The following MFHAS1 variants were observed in gnomAD, a reference collection of about 807,000 sequenced individuals.
MFHAS1 encodes multifunctional ROCO family signaling regulator 1, also known as malignant fibrous histiocytoma-amplified sequence 1.
MFHAS1 carries 50 observed loss-of-function variants against 70.4 expected under a neutral mutation model. That is an observed-to-expected ratio of 0.71 (90% CI 0.57 to 0.90). MFHAS1 has a LOEUF of 0.90. MFHAS1 is among the 40% of genes least tolerant of loss of function. The probability of loss-of-function intolerance (pLI) is 0.00; values close to 1 mark genes in which losing one functional copy is unlikely to be tolerated. For missense variants in MFHAS1, 1,795 were observed against 1,347.6 expected (o/e 1.33, Z -5.20); for synonymous variants, 952 against 620.0 (o/e 1.54, Z -7.96).
At chr8:8,822,312 G>A (rs1266421776) in intron 1 of MFHAS1, among the ~76,000 whole-genome samples, 1 of 152,238 alleles carries the variant, frequency 6.6e-6, no homozygotes, top group Admixed American at 6.5e-5. Flanking sequence ...TCTGAGGGGA[G>A]AGGAAAATGG....
intron 1 of MFHAS1, among the ~76,000 whole-genome samples, chr8:8,845,526 T>C (rs966728149): frequency 1.3e-5 from 2 of 152,212 alleles, no homozygotes; most frequent in African/African-American, 2.4e-5. Context: ...TATAATTTCA[T>C]TAAATGGCCT....
intron 1 of MFHAS1, among the ~76,000 whole-genome samples, chr8:8,805,775 A>G (rs1806267208): frequency 6.6e-6 from 1 of 151,744 alleles, no homozygotes; most frequent in African/African-American, 2.4e-5. Context: ...TTGGCTCACT[A>G]CAACCTCCAC....
intron 1 of MFHAS1, among the ~76,000 whole-genome samples, chr8:8,861,325 T>C (rs1027969): frequency 2.4e-3 from 360 of 152,340 alleles, no homozygotes; most frequent in African/African-American, 8.4e-3. Context: ...CCACGTGAAA[T>C]TGCTGCTTTT....
intron 1 of MFHAS1, among the ~76,000 whole-genome samples, chr8:8,828,990 T>TTCTTCCTACAATGCAAATCTATTCTCCCC (rs2117318897): frequency 6.6e-6 from 1 of 152,280 alleles, no homozygotes; most frequent in African/African-American, 2.4e-5. Context: ...GCCAGCAGCC[T>TTCTTCCTACAATGCAAATCTATTCTCCCC]TCTTCCTACA....
chr8:8,891,882 C>A lies in MFHAS1; in HGVS notation c.1177G>T (p.Ala393Ser), dbSNP rs780073822. The change falls in exon 1 of 3, where the codon GCA becomes TCA. Residue 393 changes from alanine to serine, a missense_variant. Transcript: ENST00000276282. This position sits in a 1 kb window ranked among gnomAD's most constrained non-coding sequence, Gnocchi z 5.4. The part of the protein sequence containing the change: ...EVCMKGIPYI[A>S]AYQKELAHSQ... ...TGAGCCAGTTCCTTCTGGTAGGCTG[C>A]GATGTAGGGGATCCCCTTCATGCAG... 2 of 1,611,012 alleles carry A rather than the reference C, an allele frequency of 1.2e-6. No individual in the cohort carries two copies. Among genetic ancestry groups the A allele is most frequent in the Admixed American group, 1.7e-5 (1 of 59,890 alleles).
chr8:8,793,723 T>A (rs1805795459), intron 2 of MFHAS1, among the ~76,000 whole-genome samples: 1 of 152,212 alleles, frequency 6.6e-6, no homozygotes, highest in Non-Finnish European at 1.5e-5. Context: ...CACAGAGCAG[T>A]CCTAAGGCCC....
intron 1 of MFHAS1, among the ~76,000 whole-genome samples, chr8:8,841,011 G>T (rs183967627): frequency 1.3e-5 from 2 of 152,156 alleles, no homozygotes; most frequent in Admixed American, 6.5e-5. Context: ...CCCATCACAT[G>T]TAATATTTTA....
intron 1 of MFHAS1, among the ~76,000 whole-genome samples, chr8:8,882,925 G>T (rs1809584198): frequency 1.3e-5 from 2 of 152,192 alleles, no homozygotes. Context: ...GGCCGAGGAG[G>T]GAGGATCATC....
Position 8,891,350 on chromosome 8 carries a change from C to A in MFHAS1, c.1709G>T (p.Ser570Ile). The A allele has an allele frequency of 6.2e-7, 1 of 1,611,172 alleles. No individual in the cohort carries two copies. The highest frequency in any genetic ancestry group is 8.5e-7 in the Non-Finnish European group (1 of 1,180,024). Residue 570 changes from serine to isoleucine, a missense_variant, in exon 1 of 3, where the codon AGC becomes ATC. Coordinates refer to ENST00000276282, the MANE Select transcript of MFHAS1 (RefSeq NM_004225.3). This position sits in a 1 kb window ranked among gnomAD's most constrained non-coding sequence, Gnocchi z 5.4. Reference protein sequence around the residue: ...LQEKHDAEGLSRLAKVVDEAL... With the variant: ...LQEKHDAEGLIRLAKVVDEAL... ...CTCGTCCACCACCTTGGCCAAGCGG[C>A]TCAGTCCCTCCGCGTCGTGCTTCTC...
intron 1 of MFHAS1, among the ~76,000 whole-genome samples, chr8:8,853,018 A>G (rs1808303678): frequency 6.6e-6 from 1 of 152,096 alleles, no homozygotes; most frequent in African/African-American, 2.4e-5. Flanking sequence ...TATCACCCAA[A>G]GGAAGCAGGA....
chr8:8,837,330 G>A (rs1807634194), intron 1 of MFHAS1, among the ~76,000 whole-genome samples: 1 of 152,106 alleles, frequency 6.6e-6, no homozygotes, highest in African/African-American at 2.4e-5. Flanking sequence ...CTCCAAAGAA[G>A]AACATCCAAT....
Position 8,795,232 on chromosome 8 carries a change from A to T in MFHAS1, c.3125+2133T>A, listed in dbSNP as rs551220460. Among the ~76,000 whole-genome samples the T allele has an allele frequency of 3.8e-4, 58 of 152,322 alleles. No individual in the cohort carries two copies. The South Asian group carries it at 5.8e-3, about 15-fold the overall frequency. On this transcript the variant is annotated intron_variant, in intron 2 of 2. Coordinates refer to ENST00000276282, the MANE Select transcript of MFHAS1 (RefSeq NM_004225.3). ...AAAAAAAGAGACAGAAGAAAAAGAA[A>T]ACATATAATATCCCCTTATCCATCC...
chr8:8,812,802 G>A (rs990697865), intron 1 of MFHAS1, among the ~76,000 whole-genome samples: 25 of 83,610 alleles, frequency 3.0e-4, no homozygotes, highest in Non-Finnish European at 1.7e-4. Context: ...GAGTCTCGCT[G>A]TCACCCAGGC....
chr8:8,842,380 T>G (rs1189989073), intron 1 of MFHAS1, among the ~76,000 whole-genome samples: 1 of 152,012 alleles, frequency 6.6e-6, no homozygotes, highest in Non-Finnish European at 1.5e-5. Flanking sequence ...GAGACAGGGT[T>G]TCACCACGTT....
At chr8:8,799,518 G>C (rs960100687) in intron 1 of MFHAS1, among the ~76,000 whole-genome samples, 1 of 152,198 alleles carries the variant, frequency 6.6e-6, no homozygotes. Flanking sequence ...CACTTTGCGA[G>C]GCAAAGACGG....
At chr8:8,791,117 C>T (rs539515642) in intron 2 of MFHAS1, among the ~76,000 whole-genome samples, 3 of 142,778 alleles carry the variant, frequency 2.1e-5, no homozygotes, top group Admixed American at 6.8e-5. Context: ...CAAACCACCA[C>T]CCCACCCGTT....
chr8:8,840,550 G>C (rs1372218139), intron 1 of MFHAS1, among the ~76,000 whole-genome samples: 1 of 152,016 alleles, frequency 6.6e-6, no homozygotes, highest in Non-Finnish European at 1.5e-5. Context: ...GATGGTGCCG[G>C]TCATTCATGG....
intron 1 of MFHAS1, among the ~76,000 whole-genome samples, chr8:8,827,965 G>C (rs1807227275): frequency 6.6e-6 from 1 of 151,904 alleles, no homozygotes; most frequent in Non-Finnish European, 1.5e-5. Context: ...GAATGTTGGA[G>C]GGACCCCAGC....
rs182560396 is a variant in MFHAS1 at position 8,806,759 on chromosome 8, G to A, written c.2999-9268C>T. ...GCAGATCACTTGAGGTCAGGAGTTC[G>A]AGGCCAGCCTAGCCAACATGTTGAA... is the stretch of plus-strand genomic sequence containing the variant. On this transcript the variant is annotated intron_variant, in intron 1 of 2. Transcript: ENST00000276282. 1.6e-3 allele frequency among the ~76,000 whole-genome samples: 237 copies of A among 152,234 alleles called. 1 individual carries two copies. Among genetic ancestry groups the A allele is most frequent in the African/African-American group, 5.6e-3 (233 of 41,530 alleles).
Sources: allele counts gnomAD v4.1 joint callset (sites outside exome capture counted in the v4.1 genomes callset), GRCh38; gene constraint gnomAD v4.1.1; non-coding constraint Gnocchi (gnomAD v3.1); transcripts MANE v1.5; gene names NCBI Gene and HGNC (gene_info 2026-07-23, HGNC 2026-07-21).